The following SCFD1 variants were observed in gnomAD, a reference collection of about 807,000 sequenced individuals.
SCFD1 encodes sec1 family domain-containing protein 1.
In SCFD1, 37 loss-of-function variants were observed where a neutral mutation model predicts 103.2. The ratio of observed to expected loss-of-function variants is 0.36; its 90% CI spans 0.28 to 0.47. The LOEUF is 0.47. SCFD1 is among the 20% of genes least tolerant of loss of function. SCFD1 has a pLI of 1.00. For missense variants in SCFD1, 639 were observed against 761.2 expected (o/e 0.84, Z 1.89); for synonymous variants, 264 against 245.0 (o/e 1.08, Z -0.73).
chr14:30,696,587 C>T (rs10140530), intron 15 of SCFD1, among the ~76,000 whole-genome samples: 2 of 152,092 alleles, frequency 1.3e-5, no homozygotes, highest in Non-Finnish European at 2.9e-5. Flanking sequence ...GGCATCCACT[C>T]ATGGAATAGA....
chr14:30,704,941 A>G (rs1283491900), intron 17 of SCFD1, among the ~76,000 whole-genome samples: 1 of 152,190 alleles, frequency 6.6e-6, no homozygotes, highest in African/African-American at 2.4e-5. Flanking sequence ...GGGTTACCTC[A>G]AAGTGGTAGG....
At chr14:30,684,831 C>CT (rs1416661982) in intron 14 of SCFD1, among the ~76,000 whole-genome samples, 9 of 68,310 alleles carry the variant, frequency 1.3e-4, no homozygotes, top group Admixed American at 3.5e-4. Flanking sequence ...TTATTATACT[C>CT]TAAGTTTTAG....
At position 30,722,553 on chromosome 14, in the gene SCFD1, C is replaced by T; in HGVS notation, c.1830C>T (p.Tyr610=). The change falls in exon 23 of 25, where the codon TAC becomes TAT. Residue 610 remains tyrosine (Y), a synonymous_variant. Coordinates refer to ENST00000458591, the MANE Select transcript of SCFD1 (RefSeq NM_016106.4). Reference sequence around the variant, plus strand: ...TTGAATATCAGAATCTTGTTGACTACATAAAGGTACATTTTATTTAGCCTT... The same window carrying T: ...TTGAATATCAGAATCTTGTTGACTATATAAAGGTACATTTTATTTAGCCTT... ...NYIEYQNLVD[Y]IKGKQGKHIL... 1 of 1,589,722 alleles carries T rather than the reference C, an allele frequency of 6.3e-7. No individual in the cohort carries two copies. The highest frequency in any genetic ancestry group is 8.6e-7 in the Non-Finnish European group (1 of 1,164,294).
intron 18 of SCFD1, among the ~76,000 whole-genome samples, chr14:30,706,265 TATC>T (rs1891461890): frequency 6.6e-6 from 1 of 152,194 alleles, no homozygotes; most frequent in Non-Finnish European, 1.5e-5. Flanking sequence ...TTTTTTATAG[TATC>T]ATCCCTATTT....
Position 30,721,865 on chromosome 14 carries a change from C to T in SCFD1, c.1737-19C>T, listed in dbSNP as rs368670731. On this transcript the variant is annotated intron_variant, in intron 21 of 24. Coordinates refer to ENST00000458591, the MANE Select transcript of SCFD1 (RefSeq NM_016106.4). ...AAAGCCATGGGTGAAATTTTCATTA[C>T]GGTTTTTCTTTATTACAGCTCAGTT... 21 of 1,600,910 alleles carry T rather than the reference C, an allele frequency of 1.3e-5. No individual in the cohort carries two copies. The highest frequency in any genetic ancestry group is 8.1e-5 in the African/African-American group (6 of 74,474).
At chr14:30,643,476 T>C in intron 7 of SCFD1, 71 bp downstream of exon 7, 1 of 1,046,992 alleles carries the variant, frequency 9.6e-7, no homozygotes, top group South Asian at 1.3e-5. Context: ...TGTATTACAC[T>C]GTAATGTGAT....
At chr14:30,624,428 A>G (rs551888109) in intron 1 of SCFD1, among the ~76,000 whole-genome samples, 2 of 152,266 alleles carry the variant, frequency 1.3e-5, no homozygotes, top group East Asian at 3.9e-4. Flanking sequence ...ACTCCATATC[A>G]GTTAATGGCA....
At chr14:30,622,595 A>T (rs1011017572) in intron 1 of SCFD1, 196 bp downstream of exon 1, 1 of 925,456 alleles carries the variant, frequency 1.1e-6, no homozygotes, top group Non-Finnish European at 1.5e-6. Context: ...GGTGCAGGAG[A>T]AGGAGCTTCA....
chr14:30,625,576 A>G lies in SCFD1; in HGVS notation c.62-2633A>G, dbSNP rs1041034874. ...TGTAAACTCTGAACACAGGCCGTGT[A>G]CTCCATTAACAAATCCTTTTTGTTA... On this transcript the variant is annotated intron_variant, in intron 1 of 24. Transcript: ENST00000458591. Among the ~76,000 whole-genome samples, 3 of 138,246 alleles carry G rather than the reference A, an allele frequency of 2.2e-5. 1 individual carries two copies. Among genetic ancestry groups the G allele is most frequent in the African/African-American group, 8.6e-5 (3 of 34,854 alleles). 90.7% of individuals were successfully genotyped at this position (138,246 alleles called of 152,430 possible).
chr14:30,734,478 A>C (rs1021482402), intron 23 of SCFD1: 1 of 329,324 alleles, frequency 3.0e-6, no homozygotes, highest in African/African-American at 2.1e-5. Flanking sequence ...TGTTGTTCTA[A>C]GATTTTATAG....
chr14:30,634,831 C>CA, intron 4 of SCFD1: 1 of 456,030 alleles, frequency 2.2e-6, no homozygotes. Flanking sequence ...AGAAGAGGGA[C>CA]ATGGACTGTG....
Position 30,640,536 on chromosome 14 carries a change from C to G in SCFD1, c.523+672C>G, listed in dbSNP as rs184284923. Among the ~76,000 whole-genome samples, 23 of 152,192 alleles carry G rather than the reference C, an allele frequency of 1.5e-4. 1 individual carries two copies. The highest frequency in any genetic ancestry group is 8.5e-4 in the Admixed American group (13 of 15,278). On this transcript the variant is annotated intron_variant, in intron 6 of 24. Transcript: ENST00000458591. ...AATCTGGTAAAGTAAAAACAAGCAT[C>G]TTTACTTTATTCTTGATGGATTAAC...
chr14:30,693,360 G>A (rs943819551), intron 14 of SCFD1, among the ~76,000 whole-genome samples: 5 of 152,106 alleles, frequency 3.3e-5, no homozygotes, highest in Admixed American at 2.6e-4. Context: ...GAAGAGGACG[G>A]GGTGAAAAAT....
At chr14:30,728,088 A>G (rs893044287) in intron 23 of SCFD1, among the ~76,000 whole-genome samples, 2 of 152,216 alleles carry the variant, frequency 1.3e-5, no homozygotes, top group African/African-American at 4.8e-5. Flanking sequence ...AAAAATGTTC[A>G]GAAATATGGA....
chr14:30,673,391 A>G, intron 12 of SCFD1, 44 bp downstream of exon 12: 1 of 1,047,912 alleles, frequency 9.5e-7, no homozygotes, highest in Admixed American at 2.2e-5. Context: ...AAAGAGGAGG[A>G]TTATCTGTTA....
intron 19 of SCFD1, among the ~76,000 whole-genome samples, chr14:30,714,808 A>G (rs933802283): frequency 2.0e-5 from 3 of 152,266 alleles, no homozygotes; most frequent in Non-Finnish European, 4.4e-5. Context: ...TCTTCAGAAC[A>G]TCCTGTACAA....
intron 23 of SCFD1, among the ~76,000 whole-genome samples, chr14:30,728,026 G>T (rs1893175539): frequency 6.6e-6 from 1 of 152,154 alleles, no homozygotes. Flanking sequence ...GTCTTCCTGA[G>T]CTTGTAAATG....
chr14:30,718,067 G>A (rs1243723169), intron 20 of SCFD1, among the ~76,000 whole-genome samples: 2 of 152,020 alleles, frequency 1.3e-5, no homozygotes, highest in Non-Finnish European at 2.9e-5. Flanking sequence ...TTAACTAAAG[G>A]CCAAGTTTTC....
At chr14:30,721,940 C>A in intron 22 of SCFD1, 23 bp downstream of exon 22, 1 of 1,570,908 alleles carries the variant, frequency 6.4e-7, no homozygotes, top group South Asian at 1.1e-5. Context: ...TAAAAATTCT[C>A]TGTTCCTAGA....
Sources: allele counts gnomAD v4.1 joint callset (sites outside exome capture counted in the v4.1 genomes callset), GRCh38; gene constraint gnomAD v4.1.1; transcripts MANE v1.5; gene names NCBI Gene and HGNC (gene_info 2026-07-23, HGNC 2026-07-21).